RBFOX3: variants seen among roughly 807,000 people sequenced by gnomAD.
The protein encoded by RBFOX3 is RNA binding fox-1 homolog 3.
RBFOX3 carries 17 observed loss-of-function variants against 48.7 expected under a neutral mutation model. The ratio of observed to expected loss-of-function variants is 0.35; its 90% CI spans 0.24 to 0.52. The LOEUF (loss-of-function observed/expected upper bound fraction) is 0.52, where lower values mean the gene tolerates loss of function less well. Ranked by LOEUF, RBFOX3 falls within the 20% of genes least tolerant of loss-of-function variation. The pLI, the probability that RBFOX3 is intolerant of heterozygous loss-of-function variation, is 0.94. For missense variants in RBFOX3, 382 were observed against 497.5 expected (o/e 0.77, Z 2.21); for synonymous variants, 212 against 209.5 (o/e 1.01, Z -0.10).
At chr17:79,256,959 CA>C (rs780969866) in intron 3 of RBFOX3, among the ~76,000 whole-genome samples, 2 of 130,838 alleles carry the variant, frequency 1.5e-5, no homozygotes, top group South Asian at 2.7e-4. Context: ...AAAAAAAAAA[CA>C]AAAAAAAGAA....
chr17:79,165,194 C>T (rs1162994959), intron 4 of RBFOX3, among the ~76,000 whole-genome samples: 1 of 152,154 alleles, frequency 6.6e-6, no homozygotes, highest in African/African-American at 2.4e-5. Flanking sequence ...GGCTGGCTTC[C>T]ACCTCCCAGG....
chr17:79,619,908 G>A, the RBFOX3 span, among the ~76,000 whole-genome samples: 7 of 152,192 alleles, frequency 4.6e-5, no homozygotes, highest in Admixed American at 6.5e-5. Context: ...CCTACCTTCT[G>A]GAGTAACGAA....
intron 1 of RBFOX3, among the ~76,000 whole-genome samples, chr17:79,509,777 T>G (rs1285319498): frequency 6.6e-6 from 1 of 151,914 alleles, no homozygotes; most frequent in East Asian, 1.9e-4. Context: ...GGGCTGTGCA[T>G]GGAGGGAGAA....
intron 4 of RBFOX3, among the ~76,000 whole-genome samples, chr17:79,152,850 C>T (rs2044875379): frequency 2.0e-5 from 3 of 152,212 alleles, no homozygotes; most frequent in Admixed American, 1.3e-4. Flanking sequence ...AACACGGCGC[C>T]GGCCTCCGGG....
chr17:79,618,374 G>A, the RBFOX3 span, among the ~76,000 whole-genome samples: 1 of 152,148 alleles, frequency 6.6e-6, no homozygotes, highest in Admixed American at 6.5e-5. Context: ...TCTGAGCTCA[G>A]CCTGTGATTG....
chr17:79,424,510 C>T (rs1555724551), intron 2 of RBFOX3, among the ~76,000 whole-genome samples: 1 of 152,190 alleles, frequency 6.6e-6, no homozygotes, highest in African/African-American at 2.4e-5. Context: ...CCATGCTCTT[C>T]CTGTGAAATT....
chr17:79,465,324 T>A (rs540793769), intron 2 of RBFOX3, among the ~76,000 whole-genome samples: 21 of 152,272 alleles, frequency 1.4e-4, no homozygotes, highest in African/African-American at 4.8e-4. Context: ...CTATTTATAA[T>A]CCCGAAAACA....
intron 4 of RBFOX3, among the ~76,000 whole-genome samples, chr17:79,137,844 A>G (rs536858243): frequency 1.3e-5 from 2 of 152,224 alleles, no homozygotes; most frequent in East Asian, 3.9e-4. Flanking sequence ...CTCAGCACAA[A>G]GCGGGGCCAT....
intron 3 of RBFOX3, among the ~76,000 whole-genome samples, chr17:79,283,055 G>A (rs896090581): frequency 6.6e-6 from 1 of 152,182 alleles, no homozygotes; most frequent in African/African-American, 2.4e-5. Flanking sequence ...TTTCAAGGCA[G>A]GCCTGGAAAG....
chr17:79,503,544 G>T (rs970937064), intron 1 of RBFOX3, among the ~76,000 whole-genome samples: 9 of 152,200 alleles, frequency 5.9e-5, no homozygotes, highest in Non-Finnish European at 1.3e-4. Context: ...CGTGGTCTTT[G>T]GTACCCCATG....
At chr17:79,656,237 T>C in the RBFOX3 span, among the ~76,000 whole-genome samples, 1 of 152,194 alleles carries the variant, frequency 6.6e-6, no homozygotes, top group African/African-American at 2.4e-5. Context: ...TTGTCTCTCC[T>C]GCAACTCCTC....
chr17:79,117,798 G>A (rs533927080), intron 4 of RBFOX3, among the ~76,000 whole-genome samples: 55 of 152,324 alleles, frequency 3.6e-4, no homozygotes, highest in African/African-American at 1.2e-3. Flanking sequence ...CAGCAACCCC[G>A]ACAGCCCCTG....
intron 5 of RBFOX3, among the ~76,000 whole-genome samples, chr17:79,114,690 C>T (rs924641695): frequency 8.5e-5 from 13 of 152,226 alleles, no homozygotes; most frequent in African/African-American, 3.1e-4. Flanking sequence ...CGCCAGCTAG[C>T]ACATCCAGCG....
chr17:79,648,581 G>A, the RBFOX3 span, among the ~76,000 whole-genome samples: 1 of 152,222 alleles, frequency 6.6e-6, no homozygotes, highest in South Asian at 2.1e-4. Flanking sequence ...CTGTGACTCT[G>A]TCATCCCTCC....
At chr17:79,120,337 G>C (rs1339135810) in intron 4 of RBFOX3, among the ~76,000 whole-genome samples, 1 of 152,122 alleles carries the variant, frequency 6.6e-6, no homozygotes, top group African/African-American at 2.4e-5. Flanking sequence ...TGGATGGGAG[G>C]GGTACATGGG....
At chr17:79,639,471 C>G in the RBFOX3 span, among the ~76,000 whole-genome samples, 1 of 152,312 alleles carries the variant, frequency 6.6e-6, no homozygotes, top group Non-Finnish European at 1.5e-5. Flanking sequence ...CCACCGCACC[C>G]AGCCCCAAGC....
intron 2 of RBFOX3, among the ~76,000 whole-genome samples, chr17:79,313,759 C>T (rs2077166580): frequency 6.6e-6 from 1 of 152,208 alleles, no homozygotes; most frequent in Non-Finnish European, 1.5e-5. Context: ...GCTCCTGGGG[C>T]AGCAGCATCT....
intron 2 of RBFOX3, among the ~76,000 whole-genome samples, chr17:79,425,354 TGGCCCCA>T: frequency 1.3e-5 from 2 of 151,856 alleles, no homozygotes; most frequent in East Asian, 3.9e-4. Context: ...GGGGCTTGTG[TGGCCCCA>T]GTGCTCACTG....
chr17:79,578,566 G>T (rs936062750), intron 1 of RBFOX3, among the ~76,000 whole-genome samples: 10 of 152,232 alleles, frequency 6.6e-5, no homozygotes, highest in Non-Finnish European at 1.0e-4. Context: ...GCCATCCTGA[G>T]ACCCGCTCCG....
Sources: gnomAD v4.1 joint callset for allele counts (sites outside exome capture counted in the v4.1 genomes callset) on GRCh38, gnomAD v4.1.1 for gene constraint, MANE v1.5 for transcripts, NCBI Gene and HGNC (gene_info 2026-07-23, HGNC 2026-07-21) for gene names.